RNGTT: variants seen among roughly 807,000 people sequenced by gnomAD.
The protein encoded by RNGTT is RNA guanylyltransferase and 5'-phosphatase.
Under a neutral mutation model 79.3 loss-of-function variants are expected in RNGTT, and 33 were observed. That is an observed-to-expected ratio of 0.42 (90% CI 0.32 to 0.56). RNGTT has a LOEUF of 0.56. Among genes scored for constraint, RNGTT ranks in the 20% least tolerant of loss-of-function variants. RNGTT has a pLI of 0.17. For missense variants in RNGTT, 497 were observed against 739.1 expected (o/e 0.67, Z 3.80); for synonymous variants, 222 against 235.9 (o/e 0.94, Z 0.54).
intron 4 of RNGTT, among the ~76,000 whole-genome samples, chr6:88,917,801 C>G (rs926299958): frequency 6.6e-6 from 1 of 151,566 alleles, no homozygotes; most frequent in African/African-American, 2.4e-5. Flanking sequence ...GCAGGAGAAT[C>G]GCGTGAGCCC....
intron 8 of RNGTT, among the ~76,000 whole-genome samples, chr6:88,875,689 G>C (rs1442431113): frequency 9.2e-5 from 14 of 152,026 alleles, no homozygotes; most frequent in Non-Finnish European, 2.9e-5. Context: ...TCTATGTAAA[G>C]TACTCAGAAC....
chr6:88,939,716 T>G (rs1784784615), intron 2 of RNGTT, among the ~76,000 whole-genome samples: 1 of 151,894 alleles, frequency 6.6e-6, no homozygotes, highest in Non-Finnish European at 1.5e-5. Flanking sequence ...CTCTTTCATG[T>G]TTGCCATGTC....
rs1783597365 is a variant in RNGTT, at chr6:88,904,820, A to T, written c.579T>A (p.Cys193Ter). ...APPPPLLPDW[C>*]FEDDEDEDED... Reference sequence around the variant, plus strand: ...CATCTTCGTCTTCATCATCCTCAAAACACCAATCTGGCAATAGAGGTGGGG... The same window carrying T: ...CATCTTCGTCTTCATCATCCTCAAATCACCAATCTGGCAATAGAGGTGGGG... Residue 193 changes from cysteine (C) to a stop codon, truncating the protein, a stop_gained, in exon 6 of 16, where the codon TGT becomes TGA. Coordinates refer to ENST00000369485, the MANE Select transcript of RNGTT (RefSeq NM_003800.5). LOFTEE classifies it high-confidence loss of function. 4.3e-6 allele frequency: 7 copies of T among 1,613,970 alleles called. No homozygotes were observed. The highest frequency in any genetic ancestry group is 5.9e-6 in the Non-Finnish European group (7 of 1,179,996).
intron 14 of RNGTT, among the ~76,000 whole-genome samples, chr6:88,630,456 C>T (rs1772813830): frequency 6.6e-6 from 1 of 152,198 alleles, no homozygotes; most frequent in Non-Finnish European, 1.5e-5. Context: ...CATGCTTCCT[C>T]CACTCTGGTG....
At chr6:88,886,044 AC>A (rs546998134) in intron 8 of RNGTT, among the ~76,000 whole-genome samples, 1 of 152,158 alleles carries the variant, frequency 6.6e-6, no homozygotes, top group Non-Finnish European at 1.5e-5. Context: ...GGTGGCTCAC[AC>A]CTGTAATCCC....
At chr6:88,739,853 A>G (rs6907043) in intron 13 of RNGTT, among the ~76,000 whole-genome samples, 77,850 of 147,084 alleles carry the variant, frequency 0.53, 21,979 homozygotes, top group African/African-American at 0.74. Flanking sequence ...AATTTGAACT[A>G]CTATATGAAG....
chr6:88,832,757 G>A (rs925638232), intron 11 of RNGTT, among the ~76,000 whole-genome samples: 1 of 152,240 alleles, frequency 6.6e-6, no homozygotes, highest in Admixed American at 6.5e-5. Flanking sequence ...ATCAAAAAGT[G>A]GGCAAAGGAT....
At chr6:88,890,449 C>T (rs765057807) in intron 8 of RNGTT, 46 bp downstream of exon 8, 3 of 1,178,264 alleles carry the variant, frequency 2.5e-6, no homozygotes, top group Admixed American at 1.9e-5. Context: ...CAATATTCTT[C>T]AAGCATTAGG....
intron 2 of RNGTT, among the ~76,000 whole-genome samples, chr6:88,931,356 TA>T (rs1282978144): frequency 2.0e-5 from 3 of 152,116 alleles, no homozygotes; most frequent in African/African-American, 7.2e-5. Context: ...GTTGCTTACA[TA>T]CACATAAAGA....
intron 13 of RNGTT, among the ~76,000 whole-genome samples, chr6:88,726,771 C>T (rs1243985612): frequency 6.6e-6 from 1 of 152,184 alleles, no homozygotes; most frequent in Non-Finnish European, 1.5e-5. Context: ...AAAGACCCAT[C>T]TATACCAATT....
At chr6:88,686,186 T>C (rs914434358) in intron 13 of RNGTT, among the ~76,000 whole-genome samples, 4 of 150,978 alleles carry the variant, frequency 2.6e-5, no homozygotes, top group Non-Finnish European at 5.9e-5. Context: ...AATGAAATGA[T>C]AAAAAATATT....
intron 8 of RNGTT, among the ~76,000 whole-genome samples, chr6:88,873,530 G>A (rs931666683): frequency 6.6e-6 from 1 of 152,232 alleles, no homozygotes; most frequent in East Asian, 1.9e-4. Flanking sequence ...TTAAAAAATT[G>A]TGGAATGAAT....
chr6:88,754,566 T>C (rs1777944515), intron 13 of RNGTT, among the ~76,000 whole-genome samples: 1 of 152,194 alleles, frequency 6.6e-6, no homozygotes, highest in Non-Finnish European at 1.5e-5. Flanking sequence ...AAGTAACTTG[T>C]TGGGAACAGG....
chr6:88,685,172 T>C (rs1775230869), intron 13 of RNGTT, among the ~76,000 whole-genome samples: 1 of 152,086 alleles, frequency 6.6e-6, no homozygotes, highest in Non-Finnish European at 1.5e-5. Flanking sequence ...CACAGGAAAT[T>C]TTCAGAGCAG....
At chr6:88,779,033 A>C (rs1466826220) in intron 12 of RNGTT, among the ~76,000 whole-genome samples, 1 of 152,118 alleles carries the variant, frequency 6.6e-6, no homozygotes, top group South Asian at 2.1e-4. Context: ...CCCATTGTCA[A>C]CCCATTAGTG....
intron 13 of RNGTT, among the ~76,000 whole-genome samples, chr6:88,698,177 TG>T (rs1775780690): frequency 2.7e-5 from 3 of 109,622 alleles, no homozygotes; most frequent in African/African-American, 1.3e-4. Context: ...GACATATATA[TG>T]ATATATATAT....
chr6:88,613,010 C>T, intron 15 of RNGTT, 128 bp from the exon 16 acceptor site: 2 of 832,118 alleles, frequency 2.4e-6, no homozygotes, highest in South Asian at 3.9e-5. Flanking sequence ...GAGTGATGTG[C>T]TTCACATTGA....
intron 14 of RNGTT, among the ~76,000 whole-genome samples, chr6:88,624,581 G>A (rs1197966860): frequency 6.6e-6 from 1 of 151,806 alleles, no homozygotes; most frequent in South Asian, 2.1e-4. Context: ...AAATCAAAGT[G>A]TAAAGTACAC....
intron 10 of RNGTT, among the ~76,000 whole-genome samples, chr6:88,846,508 A>T (rs563891705): frequency 6.6e-6 from 1 of 152,108 alleles, no homozygotes; most frequent in Non-Finnish European, 1.5e-5. Context: ...AGCACTTTGG[A>T]AGGCTAAAGC....
Sources: allele counts gnomAD v4.1 joint callset (sites outside exome capture counted in the v4.1 genomes callset), GRCh38; gene constraint gnomAD v4.1.1; transcripts MANE v1.5; gene names NCBI Gene and HGNC (gene_info 2026-07-23, HGNC 2026-07-21).